Variants in RIMS2 observed in about 807,000 individuals in gnomAD.
RIMS2 encodes regulating synaptic membrane exocytosis 2, also known as regulating synaptic membrane exocytosis protein 2.
In RIMS2, 59 loss-of-function variants were observed where a neutral mutation model predicts 174.4. The ratio of observed to expected loss-of-function variants is 0.34; its 90% confidence interval spans 0.27 to 0.42. The LOEUF is 0.42. RIMS2 is among the 10% of genes least tolerant of loss of function. The pLI, the probability that RIMS2 is intolerant of heterozygous loss-of-function variation, is 1.00. For synonymous variants in RIMS2, 606 were observed against 572.5 expected, an observed-to-expected ratio of 1.06 and a Z score of -0.84; for missense variants, 1,620 against 1,666.3, an observed-to-expected ratio of 0.97 and a Z score of 0.48.
intron 1 of RIMS2, among the ~76,000 whole-genome samples, chr8:103,617,421 T>G (rs570028819): frequency 2.6e-5 from 4 of 152,262 alleles, no homozygotes; most frequent in African/African-American, 9.6e-5. Context: ...GAAGAAAACC[T>G]AGGCAATACC....
chr8:104,033,400 G>T (rs1268265393), intron 19 of RIMS2, among the ~76,000 whole-genome samples: 2 of 151,800 alleles, frequency 1.3e-5, no homozygotes. Flanking sequence ...TTATTTATTT[G>T]TTGTCCACTT....
intron 19 of RIMS2, among the ~76,000 whole-genome samples, chr8:104,079,621 A>C (rs1264429005): frequency 7.5e-6 from 1 of 133,404 alleles, no homozygotes; most frequent in African/African-American, 2.8e-5. Context: ...ATATATATAT[A>C]TATATATATA....
intron 1 of RIMS2, among the ~76,000 whole-genome samples, chr8:103,630,669 CACAA>C (rs1181016849): frequency 6.6e-6 from 1 of 150,950 alleles, no homozygotes; most frequent in Non-Finnish European, 1.5e-5. Flanking sequence ...GTCACACACA[CACAA>C]ACACACACAC....
intron 1 of RIMS2, among the ~76,000 whole-genome samples, chr8:103,639,162 A>G (rs2096165730): frequency 6.6e-6 from 1 of 151,940 alleles, no homozygotes; most frequent in South Asian, 2.1e-4. Flanking sequence ...TGTCTTTGGT[A>G]TTACAGTTAT....
chr8:103,933,101 G>A (rs1396321922), intron 12 of RIMS2, among the ~76,000 whole-genome samples: 1 of 152,128 alleles, frequency 6.6e-6, no homozygotes, highest in Non-Finnish European at 1.5e-5. Flanking sequence ...GCCCATCCTG[G>A]CTAACAAGGT....
chr8:103,878,786 C>T (rs896046433), intron 3 of RIMS2, among the ~76,000 whole-genome samples: 7 of 151,110 alleles, frequency 4.6e-5, no homozygotes, highest in East Asian at 3.9e-4. Flanking sequence ...CAATTGTGCA[C>T]GATTTTCTAG....
chr8:104,236,139 T>C (rs188989331), intron 19 of RIMS2, among the ~76,000 whole-genome samples: 1 of 152,060 alleles, frequency 6.6e-6, no homozygotes, highest in East Asian at 1.9e-4. Context: ...GGGATGTGAT[T>C]ACATTGAGTT....
At chr8:103,587,456 GAAAGAAAGAAAGA>G (rs754878642) in intron 1 of RIMS2, among the ~76,000 whole-genome samples, 4,158 of 121,442 alleles carry the variant, frequency 0.034, 100 homozygotes, top group Middle Eastern at 0.1. Context: ...AAGAAAGAAA[GAAAGAAAGAAAGA>G]AACTATGCAC....
intron 1 of RIMS2, among the ~76,000 whole-genome samples, chr8:103,619,868 A>G (rs1186796434): frequency 6.6e-6 from 1 of 152,164 alleles, no homozygotes; most frequent in African/African-American, 2.4e-5. Context: ...TACAAGATGT[A>G]TGTACATAGC....
At chr8:103,937,074 G>C (rs953077560) in intron 13 of RIMS2, among the ~76,000 whole-genome samples, 1 of 151,552 alleles carries the variant, frequency 6.6e-6, no homozygotes, top group Non-Finnish European at 1.5e-5. Context: ...CTCCAGTCTG[G>C]GTGACAGAGC....
At chr8:103,898,970 G>A (rs1037724364) in intron 4 of RIMS2, among the ~76,000 whole-genome samples, 1 of 151,134 alleles carries the variant, frequency 6.6e-6, no homozygotes, top group Non-Finnish European at 1.5e-5. Flanking sequence ...GAACATGCAG[G>A]GTTTGGTTTT....
chr8:103,841,171 T>C (rs2098937492), intron 3 of RIMS2, among the ~76,000 whole-genome samples: 1 of 152,170 alleles, frequency 6.6e-6, no homozygotes. Context: ...GAATTATTTA[T>C]TTATTGACAA....
At chr8:104,017,807 G>A (rs1433902981) in intron 19 of RIMS2, among the ~76,000 whole-genome samples, 1 of 152,152 alleles carries the variant, frequency 6.6e-6, no homozygotes, top group Non-Finnish European at 1.5e-5. Context: ...TGGCCCACGT[G>A]GCTCACGTCT....
intron 2 of RIMS2, among the ~76,000 whole-genome samples, chr8:103,716,661 T>C (rs1056415935): frequency 1.3e-5 from 2 of 152,124 alleles, no homozygotes; most frequent in African/African-American, 4.8e-5. Flanking sequence ...AAACTCATCA[T>C]TGCACTGATA....
chr8:103,581,023 G>A (rs9656853), intron 1 of RIMS2, among the ~76,000 whole-genome samples: 2 of 151,492 alleles, frequency 1.3e-5, no homozygotes, highest in African/African-American at 4.9e-5. Flanking sequence ...GTAGAGATGG[G>A]GTTTTGCTGT....
intron 3 of RIMS2, among the ~76,000 whole-genome samples, chr8:103,807,653 AT>A (rs1389192196): frequency 6.6e-6 from 1 of 152,184 alleles, no homozygotes; most frequent in Non-Finnish European, 1.5e-5. Context: ...TACAAGTATC[AT>A]TGGAACCAAG....
chr8:104,105,082 T>A (rs939673854), intron 19 of RIMS2, among the ~76,000 whole-genome samples: 1 of 152,100 alleles, frequency 6.6e-6, no homozygotes, highest in Admixed American at 6.6e-5. Flanking sequence ...GCTATTTAAA[T>A]CCTTTAGGAT....
At chr8:103,953,213 C>G (rs1039466756) in intron 14 of RIMS2, among the ~76,000 whole-genome samples, 4 of 151,010 alleles carry the variant, frequency 2.6e-5, no homozygotes, top group African/African-American at 9.7e-5. Flanking sequence ...CCCAGCCTGG[C>G]AAGGCAGGCC....
intron 19 of RIMS2, among the ~76,000 whole-genome samples, chr8:104,109,599 A>T (rs1454528020): frequency 1.3e-5 from 2 of 152,164 alleles, no homozygotes; most frequent in Admixed American, 1.3e-4. Flanking sequence ...AGATGGGTTT[A>T]AAAAAAGAAA....
Sources: gnomAD v4.1 joint callset for allele counts (sites outside exome capture counted in the v4.1 genomes callset) on GRCh38, gnomAD v4.1.1 for gene constraint, MANE v1.5 for transcripts, NCBI Gene and HGNC (gene_info 2026-07-23, HGNC 2026-07-21) for gene names.